Variants in PPFIA1 observed in about 807,000 individuals in gnomAD.
PPFIA1 encodes the protein liprin-alpha-1.
A neutral mutation model predicts 149.9 loss-of-function variants in PPFIA1; 25 were observed. That is an observed-to-expected ratio of 0.17 (90% CI 0.12 to 0.23). The LOEUF (loss-of-function observed/expected upper bound fraction) is 0.23, where lower values mean the gene tolerates loss of function less well. PPFIA1 is among the 10% of genes least tolerant of loss of function. PPFIA1 has a pLI of 1.00. For synonymous variants in PPFIA1, 549 were observed against 552.8 expected, an observed-to-expected ratio of 0.99 and a Z score of 0.10; for missense variants, 1,362 against 1,506.5, an observed-to-expected ratio of 0.90 and a Z score of 1.59.
At chr11:70,286,799 C>T (rs1367453964) in intron 2 of PPFIA1, among the ~76,000 whole-genome samples, 1 of 147,950 alleles carries the variant, frequency 6.8e-6, no homozygotes, top group Non-Finnish European at 1.5e-5. Flanking sequence ...ACTTTATCAC[C>T]CAGGTGGAGT....
chr11:70,343,712 C>G lies in PPFIA1; in HGVS notation c.1751C>G (p.Ala584Gly), dbSNP rs142065519. 2 of 1,614,100 alleles carry G rather than the reference C, an allele frequency of 1.2e-6. No homozygotes were observed. The highest frequency in any genetic ancestry group is 1.7e-6 in the Non-Finnish European group (2 of 1,180,040). The change falls in exon 15 of 28, where the codon GCT (alanine) becomes GGT (glycine). Residue 584 changes from alanine (A) to glycine (G), a missense_variant. Coordinates refer to ENST00000253925, the MANE Select transcript of PPFIA1 (RefSeq NM_003626.5). ...CAGGATTGGGAACGTGCCCAGCAAG[C>G]TAGTGTCTTGGCAAATGTAGCACAA... Reference protein sequence around the residue: ...NEQDWERAQQASVLANVAQAF... With the variant: ...NEQDWERAQQGSVLANVAQAF...
intron 19 of PPFIA1, among the ~76,000 whole-genome samples, chr11:70,360,958 T>C (rs750820000): frequency 1.3e-5 from 2 of 152,216 alleles, no homozygotes; most frequent in Non-Finnish European, 2.9e-5. Flanking sequence ...ACAATTAGCC[T>C]CTTTGAAAGC....
intron 2 of PPFIA1, among the ~76,000 whole-genome samples, chr11:70,306,893 G>A (rs903981307): frequency 1.3e-5 from 2 of 152,246 alleles, no homozygotes; most frequent in Middle Eastern, 3.4e-3. Flanking sequence ...CCAGTGAAAC[G>A]TCAGAATCCT....
intron 2 of PPFIA1, among the ~76,000 whole-genome samples, chr11:70,309,688 C>T (rs1230142656): frequency 3.3e-5 from 5 of 151,950 alleles, no homozygotes; most frequent in African/African-American, 1.2e-4. Context: ...GTGGAGCTAC[C>T]ATATGCTACA....
intron 19 of PPFIA1, among the ~76,000 whole-genome samples, chr11:70,357,898 C>A (rs540923378): frequency 6.6e-6 from 1 of 152,186 alleles, no homozygotes; most frequent in African/African-American, 2.4e-5. Context: ...AGAATGTTTT[C>A]AAATAACTTG....
intron 2 of PPFIA1, among the ~76,000 whole-genome samples, chr11:70,302,991 C>T (rs1490389354): frequency 2.6e-5 from 4 of 152,132 alleles, no homozygotes; most frequent in Non-Finnish European, 4.4e-5. Flanking sequence ...ATTAAATTAG[C>T]AAACTTCCCA....
chr11:70,344,121 G>C (rs935258440), intron 15 of PPFIA1, among the ~76,000 whole-genome samples: 3 of 152,240 alleles, frequency 2.0e-5, no homozygotes, highest in African/African-American at 7.2e-5. Flanking sequence ...GTACCTTTCT[G>C]TAGGACATTG....
chr11:70,320,093 TA>T (rs2053848091), intron 2 of PPFIA1: 1 of 152,176 alleles, frequency 6.6e-6, no homozygotes, highest in Non-Finnish European at 1.5e-5. Flanking sequence ...GCGGCCAGCA[TA>T]GACGAGATAT....
chr11:70,296,777 G>A (rs2052073906), intron 2 of PPFIA1, among the ~76,000 whole-genome samples: 1 of 149,298 alleles, frequency 6.7e-6, no homozygotes, highest in African/African-American at 2.5e-5. Flanking sequence ...GGGAGGGAGA[G>A]GGAGAGGAGA....
chr11:70,341,108 CCCTCCA>C (rs1565418787), intron 14 of PPFIA1: 2 of 330,292 alleles, frequency 6.1e-6, no homozygotes, highest in Non-Finnish European at 5.8e-6. Flanking sequence ...GTGAGAATCA[CCCTCCA>C]CCTCTTAAAG....
At chr11:70,309,900 G>T (rs1363945317) in intron 2 of PPFIA1, among the ~76,000 whole-genome samples, 1 of 152,076 alleles carries the variant, frequency 6.6e-6, no homozygotes, top group East Asian at 1.9e-4. Context: ...TTTGGGGGGT[G>T]ACGAAAATGT....
At chr11:70,327,559 C>T (rs1451308790) in intron 7 of PPFIA1, 2 of 152,292 alleles carry the variant, frequency 1.3e-5, no homozygotes, top group African/African-American at 2.4e-5. Flanking sequence ...ATCACGAGGT[C>T]AGGAGATCGA....
chr11:70,382,467 A>C (rs1293571897), intron 27 of PPFIA1, among the ~76,000 whole-genome samples: 1 of 152,094 alleles, frequency 6.6e-6, no homozygotes, highest in African/African-American at 2.4e-5. Context: ...GGAGGAGAGC[A>C]GAGCATGGCA....
intron 26 of PPFIA1, chr11:70,378,563 C>A: frequency 1.7e-6 from 1 of 597,864 alleles, no homozygotes; most frequent in Non-Finnish European, 2.1e-6. Flanking sequence ...TTCCAAACCA[C>A]ATAATTTACT....
chr11:70,281,474 C>T (rs1321639057), intron 2 of PPFIA1, among the ~76,000 whole-genome samples: 1 of 152,200 alleles, frequency 6.6e-6, no homozygotes. Context: ...GTCTCCTTAA[C>T]GCCATGAGAC....
intron 19 of PPFIA1, among the ~76,000 whole-genome samples, chr11:70,361,409 A>G (rs1188068035): frequency 6.6e-6 from 1 of 152,172 alleles, no homozygotes; most frequent in Non-Finnish European, 1.5e-5. Context: ...GTGCTATGTA[A>G]ATAGCTGTTG....
intron 2 of PPFIA1, among the ~76,000 whole-genome samples, chr11:70,274,865 C>T (rs542876540): frequency 4.1e-4 from 62 of 152,106 alleles, no homozygotes; most frequent in African/African-American, 1.4e-3. Flanking sequence ...AATACAGGCA[C>T]GCATCACCAC....
At chr11:70,294,111 T>G (rs910122215) in intron 2 of PPFIA1, among the ~76,000 whole-genome samples, 4 of 151,746 alleles carry the variant, frequency 2.6e-5, no homozygotes, top group African/African-American at 9.7e-5. Flanking sequence ...CCAGCTGAGT[T>G]TTGTATTTTT....
intron 2 of PPFIA1, among the ~76,000 whole-genome samples, chr11:70,274,318 A>G (rs1344260274): frequency 6.6e-6 from 1 of 152,178 alleles, no homozygotes; most frequent in African/African-American, 2.4e-5. Flanking sequence ...CACAAATCGT[A>G]AGTATACATC....
Sources: gnomAD v4.1 joint callset for allele counts (sites outside exome capture counted in the v4.1 genomes callset) on GRCh38, gnomAD v4.1.1 for gene constraint, MANE v1.5 for transcripts, NCBI Gene and HGNC (gene_info 2026-07-23, HGNC 2026-07-21) for gene names.